Variants in MS4A14 observed in about 807,000 individuals in gnomAD.
MS4A14 encodes membrane spanning 4-domains A14.
In MS4A14, 18 loss-of-function variants were observed where a neutral mutation model predicts 16.7. The observed-to-expected ratio is 1.08, with a 90% CI of 0.75 to 1.60. MS4A14 has a LOEUF of 1.60. Among genes scored for constraint, MS4A14 ranks in the 40% most tolerant of loss-of-function variants. The probability of loss-of-function intolerance (pLI) is 0.00; values close to 1 mark genes in which losing one functional copy is unlikely to be tolerated. For missense variants in MS4A14, 812 were observed against 775.3 expected, an observed-to-expected ratio of 1.05 and a Z score of -0.56; for synonymous variants, 305 against 289.4, an observed-to-expected ratio of 1.05 and a Z score of -0.55.
At chr11:60,415,004 A>G (rs1590821304) in intron 4 of MS4A14, among the ~76,000 whole-genome samples, 1 of 152,180 alleles carries the variant, frequency 6.6e-6, no homozygotes, top group South Asian at 2.1e-4. Context: ...ACTATTATCT[A>G]TTTATATGTT....
intron 3 of MS4A14, among the ~76,000 whole-genome samples, chr11:60,401,600 A>G (rs908727116): frequency 1.3e-5 from 2 of 152,242 alleles, no homozygotes; most frequent in Non-Finnish European, 2.9e-5. Context: ...ACAGTCACTT[A>G]CTTCCTTAAT....
intron 4 of MS4A14, among the ~76,000 whole-genome samples, chr11:60,409,308 C>A (rs1434980267): frequency 6.6e-6 from 1 of 151,992 alleles, no homozygotes; most frequent in Non-Finnish European, 1.5e-5. Context: ...CAATCCTTCC[C>A]GGTCCTCCCA....
rs771943812 is a variant in MS4A14, at chr11:60,403,008, T to G, written c.415T>G (p.Cys139Gly). Residue 139 changes from cysteine to glycine, a missense_variant, in exon 4 of 5, where the codon TGC (cysteine) becomes GGC (glycine). By Grantham distance (159) the Cys-to-Gly change is radical. Coordinates refer to ENST00000300187, the MANE Select transcript of MS4A14 (RefSeq NM_032597.5). ...ILSYRHQDKY[C>G]QMPSFEEICV... ...CAGCTACAGACATCAAGACAAGTAC[T>G]GCCAGATGCCATCCTTTGAAGAAAT... The G allele has an allele frequency of 1.2e-6, 2 of 1,613,932 alleles. No homozygotes were observed. Among genetic ancestry groups the G allele is most frequent in the South Asian group, 2.2e-5 (2 of 91,078 alleles).
intron 4 of MS4A14, among the ~76,000 whole-genome samples, chr11:60,411,621 T>C (rs2085871339): frequency 6.6e-6 from 1 of 152,206 alleles, no homozygotes; most frequent in Non-Finnish European, 1.5e-5. Context: ...TCTTGTATCT[T>C]GAACCTTGTT....
chr11:60,413,134 T>A (rs1002515194), intron 4 of MS4A14, among the ~76,000 whole-genome samples: 1 of 151,970 alleles, frequency 6.6e-6, no homozygotes, highest in Non-Finnish European at 1.5e-5. Context: ...TTTTATTTTT[T>A]AAATGTTCAT....
chr11:60,401,761 T>A (rs140725016), intron 3 of MS4A14, among the ~76,000 whole-genome samples: 162 of 152,304 alleles, frequency 1.1e-3, no homozygotes, highest in African/African-American at 3.6e-3. Flanking sequence ...GTCTATAAAA[T>A]GTCCTATGGG....
chr11:60,409,686 T>A (rs2085839807), intron 4 of MS4A14, among the ~76,000 whole-genome samples: 1 of 151,568 alleles, frequency 6.6e-6, no homozygotes, highest in East Asian at 1.9e-4. Context: ...AATATGGGAG[T>A]ACAGATGTTT....
chr11:60,402,952 T>C lies in MS4A14; in HGVS notation c.359T>C (p.Val120Ala). Reference sequence around the variant, plus strand: ...GGCATGAATGTTATCAGCTCCTTGGTTGCGATAACTGGGATTACTTTCACC... The same window carrying C: ...GGCATGAATGTTATCAGCTCCTTGGCTGCGATAACTGGGATTACTTTCACC... ...VTGMNVISSL[V>A]AITGITFTIL... The change falls in exon 4 of 5, where the codon GTT becomes GCT. Residue 120 changes from valine (V) to alanine (A), a missense_variant. Val to Ala is a moderately conservative substitution (Grantham distance 64). Transcript: ENST00000300187. 6.2e-7 allele frequency: 1 copy of C among 1,613,816 alleles called. No individual in the cohort carries two copies.
chr11:60,415,063 T>G (rs920065525), intron 4 of MS4A14, among the ~76,000 whole-genome samples: 6 of 152,118 alleles, frequency 3.9e-5, no homozygotes, highest in African/African-American at 1.4e-4. Context: ...CACATCTAAT[T>G]GTCTTTGATT....
At chr11:60,413,117 TTTTTAA>T (rs1474981833) in intron 4 of MS4A14, among the ~76,000 whole-genome samples, 6 of 151,926 alleles carry the variant, frequency 3.9e-5, no homozygotes, top group African/African-American at 1.4e-4. Flanking sequence ...GTACATGGTA[TTTTTAA>T]TTTTATTTTT....
intron 4 of MS4A14, among the ~76,000 whole-genome samples, chr11:60,407,185 T>C (rs868692104): frequency 6.6e-6 from 1 of 151,854 alleles, no homozygotes; most frequent in African/African-American, 2.4e-5. Context: ...CAGCTAAATT[T>C]TTTTTGTATT....
intron 2 of MS4A14, among the ~76,000 whole-genome samples, chr11:60,400,095 A>G (rs1311475742): frequency 6.6e-6 from 1 of 152,144 alleles, no homozygotes; most frequent in Non-Finnish European, 1.5e-5. Flanking sequence ...CTTCTCTTCA[A>G]GGCCCAGAGC....
rs71036579 is a variant in MS4A14, at chr11:60,407,006, C to CT, written c.468+3971dup. Among the ~76,000 whole-genome samples, 362 of 74,638 alleles carry CT rather than the reference C, an allele frequency of 4.9e-3. 25 individuals are homozygous for CT. The highest frequency in any genetic ancestry group is 0.011 in the South Asian group (17 of 1,588). The allele number at this position is 74,638 out of a possible 152,430, so 49.0% of individuals were successfully genotyped here. On this transcript the variant is annotated intron_variant, in intron 4 of 4. Coordinates refer to ENST00000300187, the MANE Select transcript of MS4A14 (RefSeq NM_032597.5). The stretch of plus-strand genomic sequence containing the variant: ...CACCACAATTTGTTTATCAATTTAC[C>CT]TTTTTTTTTTTTTTTTTTTTTTTTT...
intron 2 of MS4A14, among the ~76,000 whole-genome samples, chr11:60,400,177 T>A (rs1203631144): frequency 6.6e-6 from 1 of 152,148 alleles, no homozygotes; most frequent in Non-Finnish European, 1.5e-5. Flanking sequence ...AGCCTGCCTG[T>A]CCCAGTTGGC....
In MS4A14 at chr11:60,415,958, G is replaced by A. The variant is rs2085934501; in HGVS notation, c.990G>A (p.Leu330=). ...CCCAAGCTCTACCAGTAGAAGGCCT[G>A]TCAGAACAAACCATGCCATCTAAGT... ...LPSQALPVEG[L]SEQTMPSKST... is the part of the protein sequence containing the mutation. The change falls in exon 5 of 5, where the codon CTG becomes CTA. Residue 330 remains leucine (L), a synonymous_variant. Transcript: ENST00000300187. The A allele has an allele frequency of 6.2e-7, 1 of 1,613,926 alleles. No homozygotes were observed. The highest frequency in any genetic ancestry group is 8.5e-7 in the Non-Finnish European group (1 of 1,179,926).
At chr11:60,402,334 C>G (rs2085727049) in intron 3 of MS4A14, among the ~76,000 whole-genome samples, 1 of 152,118 alleles carries the variant, frequency 6.6e-6, no homozygotes, top group African/African-American at 2.4e-5. Context: ...CTTGAATTCT[C>G]CCAGGGAATG....
chr11:60,403,596 G>T (rs1398757232), intron 4 of MS4A14, among the ~76,000 whole-genome samples: 1 of 152,176 alleles, frequency 6.6e-6, no homozygotes, highest in Non-Finnish European at 1.5e-5. Flanking sequence ...TCACATAATT[G>T]TGGCAATTTT....
Position 60,415,935 on chromosome 11 carries a change from C to T in MS4A14, c.967C>T (p.Gln323Ter). 6.2e-7 allele frequency: 1 copy of T among 1,613,978 alleles called. No homozygotes were observed. The highest frequency in any genetic ancestry group is 1.7e-5 in the Admixed American group (1 of 59,974). Residue 323 changes from glutamine to a stop codon, truncating the protein, a stop_gained, in exon 5 of 5, where the codon CAA becomes TAA. Coordinates refer to ENST00000300187, the MANE Select transcript of MS4A14 (RefSeq NM_032597.5). LOFTEE classifies it low-confidence loss of function (END_TRUNC). ...EDISPEDLPS[Q>*]ALPVEGLSEQ... ...TATATCACCTGAAGACTTGCCATCC[C>T]AAGCTCTACCAGTAGAAGGCCTGTC...
Position 60,415,917 on chromosome 11 carries a change from C to T in MS4A14, c.949C>T (p.Pro317Ser), listed in dbSNP as rs773964953. 6.2e-7 allele frequency: 1 copy of T among 1,613,964 alleles called. No individual in the cohort carries two copies. The highest frequency in any genetic ancestry group is 8.5e-7 in the Non-Finnish European group (1 of 1,179,940). The change falls in exon 5 of 5, where the codon CCT (proline) becomes TCT (serine). Residue 317 changes from proline to serine, a missense_variant. Coordinates refer to ENST00000300187, the MANE Select transcript of MS4A14 (RefSeq NM_032597.5). ...TGCACTAAAACTCGAAGATATATCA[C>T]CTGAAGACTTGCCATCCCAAGCTCT... is the stretch of plus-strand genomic sequence containing the variant. ...HSALKLEDIS[P>S]EDLPSQALPV...
Sources: allele counts gnomAD v4.1 joint callset (sites outside exome capture counted in the v4.1 genomes callset), GRCh38; gene constraint gnomAD v4.1.1; transcripts MANE v1.5; gene names NCBI Gene and HGNC (gene_info 2026-07-23, HGNC 2026-07-21).